Variants in MCTP2 observed in about 807,000 individuals in gnomAD.
The protein encoded by MCTP2 is multiple C2 and transmembrane domain-containing protein 2.
In MCTP2, 132 loss-of-function variants were observed where a neutral mutation model predicts 111.6. The ratio of observed to expected loss-of-function variants is 1.18; its 90% CI spans 1.03 to 1.37. MCTP2 has a LOEUF of 1.37. Ranked by LOEUF, MCTP2 falls within the 40% of genes most tolerant of loss-of-function variation. The pLI is 0.00. For missense variants in MCTP2, 1,183 were observed against 1,067.9 expected (o/e 1.11, Z -1.50); for synonymous variants, 395 against 387.7 (o/e 1.02, Z -0.22).
intron 2 of MCTP2, among the ~76,000 whole-genome samples, chr15:94,298,964 T>TCTCTCCCTCTCC (rs1567356923): frequency 1.3e-4 from 1 of 7,796 alleles, no homozygotes; most frequent in Non-Finnish European, 1.8e-4. Context: ...CCTCTCTCCC[T>TCTCTCCCTCTCC]CTCTCCCTCT....
chr15:94,319,127 A>G (rs1453790216), intron 4 of MCTP2, among the ~76,000 whole-genome samples: 2 of 145,666 alleles, frequency 1.4e-5, no homozygotes, highest in Admixed American at 6.9e-5. Context: ...TTTCATTTTT[A>G]TACCTTGGGG....
intron 1 of MCTP2, among the ~76,000 whole-genome samples, chr15:94,277,082 G>T (rs2074256502): frequency 6.6e-6 from 1 of 151,994 alleles, no homozygotes; most frequent in African/African-American, 2.4e-5. Flanking sequence ...AGTGAAAAAT[G>T]ATTTCAAGAA....
chr15:94,244,017 A>C (rs1020656872), intron 1 of MCTP2, among the ~76,000 whole-genome samples: 1 of 147,614 alleles, frequency 6.8e-6, no homozygotes, highest in Non-Finnish European at 1.5e-5. Context: ...ACATATGTAT[A>C]CACATACGTA....
At chr15:94,301,524 T>C (rs2075610393) in intron 2 of MCTP2, among the ~76,000 whole-genome samples, 2 of 152,212 alleles carry the variant, frequency 1.3e-5, no homozygotes, top group Non-Finnish European at 2.9e-5. Context: ...TTGGCATGGC[T>C]GGGGAGACAC....
intron 20 of MCTP2, 30 bp from the exon 21 acceptor site, chr15:94,470,303 G>A (rs1167893439): frequency 2.8e-6 from 4 of 1,443,644 alleles, no homozygotes; most frequent in Non-Finnish European, 3.9e-6. Context: ...GAACATCAGA[G>A]GAAATTATAT....
At chr15:94,349,168 C>T (rs1204436547) in intron 8 of MCTP2, among the ~76,000 whole-genome samples, 1 of 152,140 alleles carries the variant, frequency 6.6e-6, no homozygotes, top group Non-Finnish European at 1.5e-5. Context: ...CAGTATTAAC[C>T]TGGACAGAAT....
In MCTP2 at chr15:94,260,176, C is replaced by T. The variant is rs79010117; in HGVS notation, c.-66+28512C>T. On this transcript the variant is annotated intron_variant, in intron 1 of 22. Transcript: ENST00000357742. The stretch of plus-strand genomic sequence containing the variant: ...GTGCCTTTCCTGGGGATTCTGGCCA[C>T]GGAAACTTCTCCTGTTCCTCAGGGG... 6.2e-3 allele frequency among the ~76,000 whole-genome samples: 939 copies of T among 152,278 alleles called. 9 individuals carry two copies. The highest frequency in any genetic ancestry group is 0.019 in the African/African-American group (805 of 41,546).
At chr15:94,364,357 T>C (rs546955163) in intron 10 of MCTP2, among the ~76,000 whole-genome samples, 5 of 152,264 alleles carry the variant, frequency 3.3e-5, no homozygotes, top group South Asian at 4.1e-4. Flanking sequence ...TCCTGTACCC[T>C]ACCCATAAGA....
chr15:94,441,961 C>T (rs946670747), intron 18 of MCTP2, among the ~76,000 whole-genome samples: 2 of 152,246 alleles, frequency 1.3e-5, no homozygotes, highest in African/African-American at 2.4e-5. Context: ...AGGGCTATAC[C>T]GGCCCTGAAG....
At chr15:94,356,438 CAAAAT>C (rs1264057148) in intron 9 of MCTP2, 137 bp downstream of exon 9, 2 of 725,196 alleles carry the variant, frequency 2.8e-6, no homozygotes, top group Non-Finnish European at 4.1e-6. Flanking sequence ...GAGCAGAAAA[CAAAAT>C]AATTGTATAG....
chr15:94,324,271 T>A (rs1246304992), intron 4 of MCTP2, among the ~76,000 whole-genome samples: 1 of 152,250 alleles, frequency 6.6e-6, no homozygotes, highest in Non-Finnish European at 1.5e-5. Flanking sequence ...GCTCAGCTCA[T>A]ACCCTGTTGG....
intron 4 of MCTP2, among the ~76,000 whole-genome samples, chr15:94,328,817 T>C (rs1247987667): frequency 6.6e-6 from 1 of 152,180 alleles, no homozygotes; most frequent in Non-Finnish European, 1.5e-5. Context: ...GTCTGGGGCT[T>C]CACCTGGGAA....
chr15:94,347,901 TACACACAC>T (rs57419585), intron 8 of MCTP2, among the ~76,000 whole-genome samples: 1 of 149,482 alleles, frequency 6.7e-6, no homozygotes, highest in Non-Finnish European at 1.5e-5. Context: ...CACACAGACA[TACACACAC>T]ACACACACAT....
At chr15:94,291,568 T>G (rs923438902) in intron 1 of MCTP2, among the ~76,000 whole-genome samples, 1 of 151,106 alleles carries the variant, frequency 6.6e-6, no homozygotes, top group Non-Finnish European at 1.5e-5. Context: ...GCCACTGCAC[T>G]CCAGCCTGGG....
At position 94,340,881 on chromosome 15, in the gene MCTP2, TA is replaced by T. The variant is rs771089554; in HGVS notation, c.929del (p.Asn310IlefsTer2). The T allele has an allele frequency of 6.2e-6, 10 of 1,612,768 alleles. No individual in the cohort carries two copies. Among genetic ancestry groups the T allele is most frequent in the Non-Finnish European group, 7.6e-6 (9 of 1,178,860 alleles). ...SLEDDMGVIV[L>X]NLNLVVKQGD... ...GAAGATGACATGGGAGTGATCGTGT[TA>T]AATTTGAACCTAGTGGTAAAACAGG... On this transcript the variant is annotated frameshift_variant, in exon 7 of 23. Transcript: ENST00000357742. LOFTEE classifies it high-confidence loss of function.
chr15:94,426,966 C>T (rs1044602710), intron 17 of MCTP2, among the ~76,000 whole-genome samples: 41 of 152,002 alleles, frequency 2.7e-4, no homozygotes, highest in African/African-American at 9.4e-4. Context: ...TAAATTGTCC[C>T]TCATCTCTAA....
At chr15:94,463,133 C>T (rs2085317261) in intron 20 of MCTP2, among the ~76,000 whole-genome samples, 1 of 152,188 alleles carries the variant, frequency 6.6e-6, no homozygotes. Context: ...ACACACCATA[C>T]ACTTGTGCAC....
intron 17 of MCTP2, chr15:94,402,583 C>T (rs1057115460): frequency 7.7e-6 from 12 of 1,551,268 alleles, no homozygotes; most frequent in South Asian, 7.1e-5. Flanking sequence ...AGAATCAAAG[C>T]GCTGCAAGAG....
chr15:94,305,751 G>C lies in MCTP2; in HGVS notation c.465+7021G>C, dbSNP rs58809972. On this transcript the variant is annotated intron_variant, in intron 2 of 22. Transcript: ENST00000357742. Reference sequence around the variant, plus strand: ...TAAGAAATTTAGTTGTGTTGGGGAAGGGTGATACATGGAGGCGCTACGTGG... The same window carrying C: ...TAAGAAATTTAGTTGTGTTGGGGAACGGTGATACATGGAGGCGCTACGTGG... Among the ~76,000 whole-genome samples, 1,489 of 152,256 alleles carry C rather than the reference G, an allele frequency of 9.8e-3. 24 individuals are homozygous for C. Among genetic ancestry groups the C allele is most frequent in the African/African-American group, 0.034 (1,410 of 41,544 alleles).
Sources: allele counts gnomAD v4.1 joint callset (sites outside exome capture counted in the v4.1 genomes callset), GRCh38; gene constraint gnomAD v4.1.1; transcripts MANE v1.5; gene names NCBI Gene and HGNC (gene_info 2026-07-23, HGNC 2026-07-21).